Variants in SMIM7 observed in about 807,000 individuals in gnomAD.
SMIM7 encodes the protein UPF0608 protein C19orf42.
Under a neutral mutation model 13.3 loss-of-function variants are expected in SMIM7, and 12 were observed. That is an observed-to-expected ratio of 0.90 (90% CI 0.58 to 1.46). The LOEUF (loss-of-function observed/expected upper bound fraction) is 1.46, where lower values mean the gene tolerates loss of function less well. SMIM7 is among the 40% of genes most tolerant of loss of function. The probability of loss-of-function intolerance (pLI) is 0.00; values close to 1 mark genes in which losing one functional copy is unlikely to be tolerated. For missense variants in SMIM7, 114 were observed against 94.8 expected, an observed-to-expected ratio of 1.20 and a Z score of -0.84; for synonymous variants, 36 against 35.8, an observed-to-expected ratio of 1.01 and a Z score of -0.02.
intron 4 of SMIM7, chr19:16,635,281 C>T (rs954155083): frequency 7.4e-5 from 11 of 149,290 alleles, no homozygotes; most frequent in East Asian, 2.0e-4. Flanking sequence ...GAGAATCACG[C>T]GAACCTGGGA....
intron 4 of SMIM7, chr19:16,634,999 C>T (rs1231918737): frequency 1.3e-5 from 2 of 151,876 alleles, no homozygotes; most frequent in Admixed American, 6.6e-5. Context: ...AACCAAGTGA[C>T]GTGGTCTTCG....
At chr19:16,653,042 GGA>G (rs1240959905) in intron 4 of SMIM7, 1 of 1,469,278 alleles carries the variant, frequency 6.8e-7, no homozygotes, top group Non-Finnish European at 9.2e-7. Flanking sequence ...AGGTGGAGCA[GGA>G]TCTGGCAGTG....
chr19:16,651,044 G>A (rs1321717890), intron 4 of SMIM7, among the ~76,000 whole-genome samples: 1 of 152,182 alleles, frequency 6.6e-6, no homozygotes, highest in African/African-American at 2.4e-5. Context: ...AGTCACATGG[G>A]CATCCTTCAA....
intron 4 of SMIM7, chr19:16,653,787 C>T (rs1328641901): frequency 1.3e-5 from 6 of 474,336 alleles, no homozygotes; most frequent in Middle Eastern, 5.5e-4. Context: ...CCCAGTTACT[C>T]GGGAGGCTGA....
rs113213054 is a variant in SMIM7, at chr19:16,648,203, C to T, written c.213-942G>A. Among the ~76,000 whole-genome samples, 1,242 of 152,132 alleles carry T rather than the reference C, an allele frequency of 8.2e-3. 19 individuals are homozygous for T. Among genetic ancestry groups the T allele is most frequent in the African/African-American group, 0.029 (1,199 of 41,494 alleles). On this transcript the variant is annotated intron_variant, in intron 4 of 4. Transcript: ENST00000487416. ...TTGCTCAGGGTGGAGTGCCGTGGGG[C>T]GATCTCGGCTCACTACAACCTCTGA...
chr19:16,637,084 A>G (rs547824540), intron 4 of SMIM7, among the ~76,000 whole-genome samples: 1 of 152,348 alleles, frequency 6.6e-6, no homozygotes, highest in East Asian at 1.9e-4. Flanking sequence ...TGGATTTTCT[A>G]GTTTTATTTA....
At position 16,632,729 on chromosome 19, in the gene SMIM7, G is replaced by A. The variant is rs1415533995; in HGVS notation, c.*138-1005C>T. Among the ~76,000 whole-genome samples the A allele has an allele frequency of 8.6e-5, 13 of 151,694 alleles. No individual in the cohort carries two copies. In the South Asian group the frequency reaches 1.0e-3, roughly 12 times the overall value. On this transcript the variant is annotated intron_variant and NMD_transcript_variant, in intron 4 of 4. Coordinates refer to the SMIM7 transcript ENST00000465250. ...GTATTTTTAGTAGAGATGCGGTTTC[G>A]TCATGTTGGTCAGGCTGCTCTGGAA...
chr19:16,635,749 T>A (rs576966208), intron 4 of SMIM7, among the ~76,000 whole-genome samples: 124 of 151,712 alleles, frequency 8.2e-4, no homozygotes, highest in African/African-American at 2.9e-3. Context: ...CTGGGCCTGG[T>A]GGCAGGCGCC....
chr19:16,655,660 G>GAC (rs964796633), intron 3 of SMIM7, among the ~76,000 whole-genome samples: 1 of 114,384 alleles, frequency 8.7e-6, no homozygotes, highest in Non-Finnish European at 1.6e-5. Context: ...CAGCCTGGGT[G>GAC]ACACAGCAAG....
intron 4 of SMIM7, among the ~76,000 whole-genome samples, chr19:16,635,899 A>AAAAAATATAT (rs1200181092): frequency 3.6e-5 from 4 of 109,598 alleles, no homozygotes; most frequent in African/African-American, 1.7e-4. Context: ...AAAAAAAAAA[A>AAAAAATATAT]ATATATATAT....
At chr19:16,653,888 C>A in intron 4 of SMIM7, 147 bp downstream of exon 4, 1 of 682,720 alleles carries the variant, frequency 1.5e-6, no homozygotes, top group East Asian at 2.8e-5. Context: ...GAGCAAGATT[C>A]CATCTCAAAC....
At chr19:16,647,551 AT>A (rs2086466367) in intron 4 of SMIM7, among the ~76,000 whole-genome samples, 1 of 148,542 alleles carries the variant, frequency 6.7e-6, no homozygotes, top group African/African-American at 2.5e-5. Context: ...TGCATCCGAG[AT>A]TCAAGCGATT....
chr19:16,632,482 A>T (rs1339435881), intron 4 of SMIM7, among the ~76,000 whole-genome samples: 1 of 151,990 alleles, frequency 6.6e-6, no homozygotes, highest in Non-Finnish European at 1.5e-5. Context: ...TGCACTGTAC[A>T]AACACAACAC....
At chr19:16,652,559 G>T (rs1308743287) in intron 4 of SMIM7, 1 of 1,117,894 alleles carries the variant, frequency 8.9e-7, no homozygotes, top group Non-Finnish European at 1.1e-6. Context: ...TTGTTCCTAG[G>T]CAAGTCTCAT....
At chr19:16,641,753 G>A (rs528791958), downstream of SMIM7, among the ~76,000 whole-genome samples, 3 of 152,226 alleles carry the variant, frequency 2.0e-5, no homozygotes, top group Non-Finnish European at 2.9e-5. Context: ...CGTGCAGCAC[G>A]ACACCCGGCT....
Position 16,647,129 on chromosome 19 carries a change from G to C in SMIM7, c.*117C>G. The C allele has an allele frequency of 7.2e-7, 1 of 1,379,480 alleles. No homozygotes were observed. The highest frequency in any genetic ancestry group is 1.0e-6 in the Non-Finnish European group (1 of 975,854). 85.5% of individuals were successfully genotyped at this position (1,379,480 alleles called of 1,614,324 possible). The stretch of plus-strand genomic sequence containing the variant: ...ACACTTTTCCACCCACCACGAGCTT[G>C]GACTTTCTGGGAAGGTTGTCGGTTT... On this transcript the variant is annotated 3_prime_UTR_variant, in exon 5 of 5. Coordinates refer to ENST00000487416, the MANE Select transcript of SMIM7 (RefSeq NM_024104.4).
chr19:16,643,093 C>T (rs765768510), downstream of SMIM7, among the ~76,000 whole-genome samples: 16 of 151,892 alleles, frequency 1.1e-4, no homozygotes, highest in Non-Finnish European at 1.8e-4. Context: ...TGAACCACCG[C>T]ACCTGGCCAA....
At position 16,654,109 on chromosome 19, in the gene SMIM7, T is replaced by C; in HGVS notation, c.138A>G (p.Glu46=). ...GAAAGTATCTGAGGCTCAGCAAGAA[T>C]TCCCGGATGTTGTCACCTGGAAGAA... The part of the protein sequence containing the change: ...REPSTGDNIR[E]FLLSLRYFRI... Residue 46 remains glutamate (E), a synonymous_variant, in exon 4 of 5, where the codon GAA becomes GAG. Transcript: ENST00000487416. 1 of 1,614,100 alleles carries C rather than the reference T, an allele frequency of 6.2e-7. No homozygotes were observed. Among genetic ancestry groups the C allele is most frequent in the African/African-American group, 1.3e-5 (1 of 75,040 alleles).
At chr19:16,643,116 C>A (rs79665364), downstream of SMIM7, among the ~76,000 whole-genome samples, 1,970 of 151,754 alleles carry the variant, frequency 0.013, 36 homozygotes, top group African/African-American at 0.046. Context: ...GAGACTCTGT[C>A]TCTAAAAAAA....
Sources: gnomAD v4.1 joint callset for allele counts (sites outside exome capture counted in the v4.1 genomes callset) on GRCh38, gnomAD v4.1.1 for gene constraint, MANE v1.5 for transcripts, NCBI Gene and HGNC (gene_info 2026-07-23, HGNC 2026-07-21) for gene names.